The following KIAA1328 variants were observed in gnomAD, a reference collection of about 807,000 sequenced individuals.
KIAA1328 encodes KIAA1328.
KIAA1328 carries 52 observed loss-of-function variants against 68.1 expected under a neutral mutation model. The ratio of observed to expected loss-of-function variants is 0.76; its 90% CI spans 0.61 to 0.96. The LOEUF (loss-of-function observed/expected upper bound fraction) is 0.96. Among genes scored for constraint, KIAA1328 ranks in the 40% least tolerant of loss-of-function variants. The pLI is 0.00. For synonymous variants in KIAA1328, 232 were observed against 239.4 expected, an observed-to-expected ratio of 0.97 and a Z score of 0.28; for missense variants, 641 against 677.6, an observed-to-expected ratio of 0.95 and a Z score of 0.60.
intron 6 of KIAA1328, among the ~76,000 whole-genome samples, chr18:37,060,423 G>A (rs904305730): frequency 1.3e-5 from 2 of 152,080 alleles, no homozygotes; most frequent in Non-Finnish European, 2.9e-5. Context: ...TAAGAGAAAT[G>A]CAAAATAAGA....
intron 4 of KIAA1328, among the ~76,000 whole-genome samples, chr18:36,879,825 A>C (rs2162388): frequency 6.6e-6 from 1 of 151,930 alleles, no homozygotes; most frequent in African/African-American, 2.4e-5. Flanking sequence ...CTTTGTTTAC[A>C]CTCTGAGGAG....
intron 8 of KIAA1328, among the ~76,000 whole-genome samples, chr18:37,161,293 T>A (rs181869470): frequency 6.4e-4 from 98 of 152,342 alleles, no homozygotes; most frequent in Non-Finnish European, 9.7e-4. Context: ...CTTTGTGAGA[T>A]CTTGCAGGTG....
chr18:36,971,480 T>C (rs1185848825), intron 6 of KIAA1328, among the ~76,000 whole-genome samples: 6 of 151,898 alleles, frequency 4.0e-5, no homozygotes, highest in Admixed American at 1.3e-4. Flanking sequence ...AAATACAGAA[T>C]TAGCCAGGTG....
chr18:37,026,390 T>C (rs1351063081), intron 6 of KIAA1328, among the ~76,000 whole-genome samples: 1 of 152,168 alleles, frequency 6.6e-6, no homozygotes, highest in Non-Finnish European at 1.5e-5. Context: ...AACATCATCC[T>C]GATACCAAAG....
At chr18:37,085,610 T>C (rs904773023) in intron 7 of KIAA1328, among the ~76,000 whole-genome samples, 15 of 152,200 alleles carry the variant, frequency 9.9e-5, no homozygotes, top group Admixed American at 9.2e-4. Context: ...GTTTTGACTG[T>C]TTTAGATGTT....
At chr18:37,108,288 T>C (rs1455787745) in intron 7 of KIAA1328, among the ~76,000 whole-genome samples, 1 of 152,068 alleles carries the variant, frequency 6.6e-6, no homozygotes, top group Non-Finnish European at 1.5e-5. Flanking sequence ...AAATACTGCA[T>C]GTTCTCATGT....
At chr18:37,101,820 G>C (rs369471027) in intron 7 of KIAA1328, among the ~76,000 whole-genome samples, 1 of 152,140 alleles carries the variant, frequency 6.6e-6, no homozygotes, top group Non-Finnish European at 1.5e-5. Flanking sequence ...GCTGATCTCT[G>C]GGCAGAAACT....
At chr18:36,970,523 T>C (rs1411793185) in intron 6 of KIAA1328, among the ~76,000 whole-genome samples, 1 of 152,206 alleles carries the variant, frequency 6.6e-6, no homozygotes, top group African/African-American at 2.4e-5. Flanking sequence ...ATTGTCTGTT[T>C]GCAGATGATA....
chr18:37,032,236 G>A (rs2054857988), intron 6 of KIAA1328, among the ~76,000 whole-genome samples: 1 of 152,118 alleles, frequency 6.6e-6, no homozygotes, highest in Non-Finnish European at 1.5e-5. Flanking sequence ...GATGTCTAAT[G>A]TATAACTGCA....
chr18:37,019,205 G>A (rs1313042748), intron 6 of KIAA1328, among the ~76,000 whole-genome samples: 2 of 151,732 alleles, frequency 1.3e-5, no homozygotes, highest in African/African-American at 2.4e-5. Flanking sequence ...TGCTGAGTAG[G>A]GTCTTTTGGC....
intron 4 of KIAA1328, among the ~76,000 whole-genome samples, chr18:36,849,883 G>A (rs537465585): frequency 1.3e-5 from 2 of 152,058 alleles, no homozygotes; most frequent in African/African-American, 2.4e-5. Context: ...TTGGATTATA[G>A]CCATGCTAGT....
chr18:36,989,191 G>C (rs1055636393), intron 6 of KIAA1328, among the ~76,000 whole-genome samples: 3 of 152,048 alleles, frequency 2.0e-5, no homozygotes, highest in African/African-American at 2.4e-5. Flanking sequence ...GTTTCTCTCA[G>C]TCTTGGGGCA....
At chr18:36,950,572 G>A (rs2051117878) in intron 5 of KIAA1328, among the ~76,000 whole-genome samples, 1 of 152,190 alleles carries the variant, frequency 6.6e-6, no homozygotes, top group African/African-American at 2.4e-5. Flanking sequence ...TGGGAGGTCA[G>A]TGAAAGCTTG....
intron 1 of KIAA1328, among the ~76,000 whole-genome samples, chr18:36,829,951 T>G (rs2046407409): frequency 6.6e-6 from 1 of 152,220 alleles, no homozygotes; most frequent in African/African-American, 2.4e-5. Flanking sequence ...GTTTCTTTCC[T>G]TGGAGTAGGT....
intron 3 of KIAA1328, 29 bp from the exon 4 acceptor site, chr18:36,844,179 A>G: frequency 6.7e-7 from 1 of 1,494,384 alleles, no homozygotes; most frequent in Non-Finnish European, 9.1e-7. Context: ...GGTTTTAGAA[A>G]AAGTGTAACT....
intron 6 of KIAA1328, among the ~76,000 whole-genome samples, chr18:37,050,608 C>T (rs961798687): frequency 1.6e-4 from 25 of 151,950 alleles, no homozygotes; most frequent in Non-Finnish European, 3.5e-4. Context: ...AATGGCTGTC[C>T]CTTTTAAATC....
At chr18:37,026,037 G>A (rs898303042) in intron 6 of KIAA1328, among the ~76,000 whole-genome samples, 2 of 151,894 alleles carry the variant, frequency 1.3e-5, no homozygotes, top group Admixed American at 1.3e-4. Flanking sequence ...TGATAAAAGG[G>A]GATATCACCA....
At chr18:37,142,865 A>G (rs2058799062) in intron 7 of KIAA1328, among the ~76,000 whole-genome samples, 2 of 151,902 alleles carry the variant, frequency 1.3e-5, no homozygotes, top group African/African-American at 4.8e-5. Context: ...GATTCAATCA[A>G]TTTGGGGAGA....
chr18:36,996,806 A>G (rs1440132895), intron 6 of KIAA1328, among the ~76,000 whole-genome samples: 3 of 152,168 alleles, frequency 2.0e-5, no homozygotes, highest in Non-Finnish European at 4.4e-5. Context: ...AACCACATGT[A>G]TTTCATCCAG....
Sources: gnomAD v4.1 joint callset for allele counts (sites outside exome capture counted in the v4.1 genomes callset) on GRCh38, gnomAD v4.1.1 for gene constraint, MANE v1.5 for transcripts, NCBI Gene and HGNC (gene_info 2026-07-23, HGNC 2026-07-21) for gene names.